The following PPFIBP2 variants were observed in gnomAD, a reference collection of about 807,000 sequenced individuals.
PPFIBP2 encodes the protein liprin-beta-2.
PPFIBP2 carries 118 observed loss-of-function variants against 118.3 expected under a neutral mutation model. That is an observed-to-expected ratio of 1.00 (90% CI 0.86 to 1.16). The LOEUF is 1.16. Ranked by LOEUF, PPFIBP2 falls within the 50% of genes most tolerant of loss-of-function variation. The pLI, the probability that PPFIBP2 is intolerant of heterozygous loss-of-function variation, is 0.00. For missense variants in PPFIBP2, 1,195 were observed against 1,073.1 expected, an observed-to-expected ratio of 1.11 and a Z score of -1.59; for synonymous variants, 414 against 397.4, an observed-to-expected ratio of 1.04 and a Z score of -0.50.
intron 3 of PPFIBP2, among the ~76,000 whole-genome samples, chr11:7,592,266 C>G (rs1425191710): frequency 6.6e-6 from 1 of 152,272 alleles, no homozygotes; most frequent in East Asian, 1.9e-4. Context: ...AGCTCCTTCT[C>G]TCCTGTCTGC....
At chr11:7,569,329 C>A (rs1353531288) in intron 3 of PPFIBP2, among the ~76,000 whole-genome samples, 1 of 152,212 alleles carries the variant, frequency 6.6e-6, no homozygotes, top group Non-Finnish European at 1.5e-5. Context: ...ACAGAGGCGA[C>A]TAGTTCTAAA....
At chr11:7,522,326 A>T (rs1167007311) in intron 1 of PPFIBP2, among the ~76,000 whole-genome samples, 1 of 152,254 alleles carries the variant, frequency 6.6e-6, no homozygotes, top group Non-Finnish European at 1.5e-5. Context: ...GGCAACTGTT[A>T]GTAGCATGAA....
At chr11:7,663,445 C>T in the PPFIBP2 span, among the ~76,000 whole-genome samples, 5 of 152,152 alleles carry the variant, frequency 3.3e-5, no homozygotes, top group African/African-American at 1.2e-4. Context: ...GGGGTGCCTC[C>T]CAGTTAGGCT....
intron 3 of PPFIBP2, among the ~76,000 whole-genome samples, chr11:7,581,825 A>G (rs1253549712): frequency 1.3e-5 from 2 of 151,590 alleles, no homozygotes; most frequent in East Asian, 3.9e-4. Context: ...AATTCTATAG[A>G]TAGATAGATA....
chr11:7,637,680 G>A (rs1236043478), intron 14 of PPFIBP2, among the ~76,000 whole-genome samples: 1 of 152,228 alleles, frequency 6.6e-6, no homozygotes, highest in Non-Finnish European at 1.5e-5. Context: ...CAGAACTGGA[G>A]TTGAGCATCC....
intron 3 of PPFIBP2, among the ~76,000 whole-genome samples, chr11:7,575,014 C>T (rs1207678067): frequency 6.6e-6 from 1 of 152,098 alleles, no homozygotes; most frequent in Admixed American, 6.6e-5. Flanking sequence ...ACCCTGCACC[C>T]CCCACCTTTG....
chr11:7,584,432 T>C (rs1052420726), intron 3 of PPFIBP2, among the ~76,000 whole-genome samples: 2 of 152,200 alleles, frequency 1.3e-5, no homozygotes, highest in African/African-American at 4.8e-5. Flanking sequence ...GTTGGACTCC[T>C]GGTAGCCGAG....
chr11:7,635,420 G>C, intron 13 of PPFIBP2, 132 bp from the exon 14 acceptor site: 7 of 828,214 alleles, frequency 8.5e-6, no homozygotes, highest in Non-Finnish European at 1.4e-5. Flanking sequence ...GTGATTACTT[G>C]ACATGAAGAT....
chr11:7,538,576 G>A (rs1007262522), intron 1 of PPFIBP2, among the ~76,000 whole-genome samples: 6 of 152,224 alleles, frequency 3.9e-5, no homozygotes, highest in African/African-American at 1.2e-4. Flanking sequence ...TGGTGGTGGA[G>A]CAGGGACATG....
At chr11:7,593,593 A>C (rs1379972412) in intron 4 of PPFIBP2, among the ~76,000 whole-genome samples, 2 of 152,174 alleles carry the variant, frequency 1.3e-5, no homozygotes, top group Admixed American at 1.3e-4. Context: ...TCATGCCACT[A>C]ATAAAACAGA....
In PPFIBP2 at chr11:7,653,315, C is replaced by T; in HGVS notation, c.*97C>T. On this transcript the variant is annotated 3_prime_UTR_variant, in exon 24 of 24. Transcript: ENST00000299492. ...ACCTCACCCCCGCACGTGTGCATGA[C>T]TCGCAGAGAATATTCCAGCAATTGT... 1 of 1,549,332 alleles carries T rather than the reference C, an allele frequency of 6.5e-7. No homozygotes were observed. Among genetic ancestry groups the T allele is most frequent in the Non-Finnish European group, 8.7e-7 (1 of 1,151,546 alleles).
intron 15 of PPFIBP2, 83 bp downstream of exon 15, chr11:7,639,953 C>A: frequency 6.7e-7 from 1 of 1,500,952 alleles, no homozygotes. Context: ...CTGCACCTAC[C>A]ACCACAATCC....
chr11:7,631,817 C>G (rs2135765058), intron 11 of PPFIBP2, among the ~76,000 whole-genome samples: 1 of 152,298 alleles, frequency 6.6e-6, no homozygotes, highest in Middle Eastern at 3.4e-3. Context: ...CCAAGTCTTA[C>G]CAAGTCTTAC....
chr11:7,562,968 TATATATATAC>T (rs1854505841), intron 2 of PPFIBP2, among the ~76,000 whole-genome samples: 2 of 99,516 alleles, frequency 2.0e-5, no homozygotes, highest in African/African-American at 4.0e-5. Flanking sequence ...TATATATATA[TATATATATAC>T]ACGCACACAC....
chr11:7,545,691 TA>T (rs11380902), intron 1 of PPFIBP2, among the ~76,000 whole-genome samples: 1 of 151,746 alleles, frequency 6.6e-6, no homozygotes, highest in Admixed American at 6.6e-5. Context: ...ACTACTATAA[TA>T]AAAAAAGTAT....
At chr11:7,611,931 G>T (rs75465849) in intron 6 of PPFIBP2, among the ~76,000 whole-genome samples, 277 of 152,298 alleles carry the variant, frequency 1.8e-3, no homozygotes, top group African/African-American at 6.1e-3. Context: ...TTTTCTTCTG[G>T]TTTGAAGTAT....
intron 6 of PPFIBP2, among the ~76,000 whole-genome samples, chr11:7,617,469 G>A (rs1186185746): frequency 6.6e-6 from 1 of 152,138 alleles, no homozygotes; most frequent in Non-Finnish European, 1.5e-5. Flanking sequence ...TGAGCTCAGT[G>A]ACCCTCACTG....
At chr11:7,628,431 A>T in intron 9 of PPFIBP2, 85 bp downstream of exon 9, 1 of 1,256,240 alleles carries the variant, frequency 8.0e-7, no homozygotes. Context: ...GATATTCTGG[A>T]CAGGACCATG....
intron 3 of PPFIBP2, among the ~76,000 whole-genome samples, chr11:7,568,289 G>A (rs1855241389): frequency 6.6e-6 from 1 of 152,182 alleles, no homozygotes; most frequent in Non-Finnish European, 1.5e-5. Flanking sequence ...GTGACCTCAT[G>A]GGTACTGGTT....
Sources: gnomAD v4.1 joint callset for allele counts (sites outside exome capture counted in the v4.1 genomes callset) on GRCh38, gnomAD v4.1.1 for gene constraint, MANE v1.5 for transcripts, NCBI Gene and HGNC (gene_info 2026-07-23, HGNC 2026-07-21) for gene names.